Variants in FAM151A observed in about 807,000 individuals in gnomAD.
FAM151A encodes the protein family with sequence similarity 151 member A.
A neutral mutation model predicts 40.4 loss-of-function variants in FAM151A; 41 were observed. The ratio of observed to expected loss-of-function variants is 1.01; its 90% CI spans 0.79 to 1.32. The LOEUF (loss-of-function observed/expected upper bound fraction) is 1.32. Among genes scored for constraint, FAM151A ranks in the 40% most tolerant of loss-of-function variants. The pLI, the probability that FAM151A is intolerant of heterozygous loss-of-function variation, is 0.00. For missense variants in FAM151A, 740 were observed against 740.4 expected (o/e 1.00, Z 0.01); for synonymous variants, 337 against 312.5 (o/e 1.08, Z -0.83).
Position 54,610,301 on chromosome 1 carries a change from G to T in FAM151A, c.1084+111C>A, listed in dbSNP as rs1460495566. Reference sequence around the variant, plus strand: ...TGCCCCACCTTGCATCCAGGGTATGGTGTAAATAAACCTGTGTTGCCATGG... The same window carrying T: ...TGCCCCACCTTGCATCCAGGGTATGTTGTAAATAAACCTGTGTTGCCATGG... On this transcript the variant is annotated intron_variant, in intron 7 of 7. Coordinates refer to ENST00000302250, the MANE Select transcript of FAM151A (RefSeq NM_176782.3). 6 of 1,534,340 alleles carry T rather than the reference G, an allele frequency of 3.9e-6. No individual in the cohort carries two copies. The East Asian group carries it at 1.4e-4, about 35-fold the overall frequency.
intron 2 of FAM151A, among the ~76,000 whole-genome samples, chr1:54,618,534 C>A (rs948871714): frequency 1.3e-5 from 2 of 152,020 alleles, no homozygotes; most frequent in Admixed American, 1.3e-4. Context: ...AAACTCTTTT[C>A]ACCTTAAAAA....
At position 54,609,615 on chromosome 1, in the gene FAM151A, A is replaced by C; in HGVS notation, c.1411T>G (p.Phe471Val). The stretch of plus-strand genomic sequence containing the variant: ...CCTGGTGCCACAGTCACGTGGGGGA[A>C]GACCTCAGCCACAGCTGTAAGCAGC... ...RELLTAVAEV[F>V]PHVTVAPGWP... Residue 471 changes from phenylalanine (F) to valine (V), a missense_variant, in exon 8 of 8, where the codon TTC (phenylalanine) becomes GTC (valine). Physicochemically the swap from Phe to Val is conservative, Grantham distance 50. Coordinates refer to ENST00000302250, the MANE Select transcript of FAM151A (RefSeq NM_176782.3). The C allele has an allele frequency of 6.2e-7, 1 of 1,613,598 alleles. No homozygotes were observed. Among genetic ancestry groups the C allele is most frequent in the South Asian group, 1.1e-5 (1 of 91,084 alleles).
At position 54,623,302 on chromosome 1, in the gene FAM151A, G is replaced by A. The variant is rs1357910424; in HGVS notation, c.94C>T (p.Leu32Phe). Residue 32 changes from leucine to phenylalanine, a missense_variant, in exon 1 of 8, where the codon CTT (leucine) becomes TTT (phenylalanine). Physicochemically the swap from Leu to Phe is conservative, Grantham distance 22. Coordinates refer to ENST00000302250, the MANE Select transcript of FAM151A (RefSeq NM_176782.3). The part of the protein sequence containing the change: ...VSVVVIAAIV[L>F]AITLRRPGCE... ...CCTGGCCGCCGCAGGGTGATGGCAA[G>A]GACTATTGCGGCAATGACCACCACA... 6.2e-7 allele frequency: 1 copy of A among 1,613,894 alleles called. No individual in the cohort carries two copies. Among genetic ancestry groups the A allele is most frequent in the African/African-American group, 1.3e-5 (1 of 74,906 alleles).
Position 54,614,706 on chromosome 1 carries a change from G to A in FAM151A, c.569C>T (p.Ala190Val). 2 of 1,612,686 alleles carry A rather than the reference G, an allele frequency of 1.2e-6. No homozygotes were observed. The highest frequency in any genetic ancestry group is 8.5e-7 in the Non-Finnish European group (1 of 1,179,108). ...CAGAGAGGCGAACACTCACTGTGTGGCATTGACCTCAGTTGAGATGAGCAT... is the reference window on the plus strand; with the variant it reads ...CAGAGAGGCGAACACTCACTGTGTGACATTGACCTCAGTTGAGATGAGCAT... ...PNMLISTEVNATQFLALVQEK... is the reference protein window; with the variant it reads ...PNMLISTEVNVTQFLALVQEK... The change falls in exon 4 of 8, where the codon GCC becomes GTC. Residue 190 changes from alanine to valine, a missense_variant. Physicochemically the swap from Ala to Val is moderately conservative, Grantham distance 64. Transcript: ENST00000302250.
At chr1:54,615,568 G>A (rs1644164203) in intron 3 of FAM151A, among the ~76,000 whole-genome samples, 1 of 152,170 alleles carries the variant, frequency 6.6e-6, no homozygotes, top group Admixed American at 6.5e-5. Context: ...ACTAGATGGG[G>A]GCAGGGTTAG....
Position 54,623,306 on chromosome 1 carries a change from T to G in FAM151A, c.90A>C (p.Ile30=), listed in dbSNP as rs377638308. The change falls in exon 1 of 8, where the codon ATA becomes ATC. Residue 30 remains isoleucine, a synonymous_variant. Transcript: ENST00000302250. ...GCCGCCGCAGGGTGATGGCAAGGAC[T>G]ATTGCGGCAATGACCACCACAGACA... is the stretch of plus-strand genomic sequence containing the variant. ...TCVSVVVIAA[I]VLAITLRRPG... 17 of 1,614,062 alleles carry G rather than the reference T, an allele frequency of 1.1e-5. No homozygotes were observed. In the African/African-American group the frequency reaches 1.5e-4, roughly 14 times the overall value.
In FAM151A at chr1:54,609,768, C is replaced by T. The variant is rs1553165260; in HGVS notation, c.1258G>A (p.Ala420Thr). 2 of 1,614,188 alleles carry T rather than the reference C, an allele frequency of 1.2e-6. No homozygotes were observed. Among genetic ancestry groups the T allele is most frequent in the Admixed American group, 1.7e-5 (1 of 60,032 alleles). Reference sequence around the variant, plus strand: ...AGCAAGGCCAGGGATGGCCGGAGGGCTGCGGGCTCCGCTATTTGCAAATGG... The same window carrying T: ...AGCAAGGCCAGGGATGGCCGGAGGGTTGCGGGCTCCGCTATTTGCAAATGG... ...GIHLQIAEPA[A>T]LRPSLALLAR... The change falls in exon 8 of 8, where the codon GCC becomes ACC. Residue 420 changes from alanine to threonine, a missense_variant. Coordinates refer to ENST00000302250, the MANE Select transcript of FAM151A (RefSeq NM_176782.3).
rs144626946 is a variant in FAM151A at position 54,609,333 on chromosome 1, G to A, written c.1693C>T (p.Arg565Ter). ...CCCTGGGGTAGCCTGTAGTAGACTC[G>A]GGTCCTGTCCACAGCCCTAGCTGCC... ...LLAARAVDRTRVYYRLPQGYH... is the reference protein window; with the variant it reads ...LLAARAVDRT The change falls in exon 8 of 8, where the codon CGA becomes TGA. Residue 565 changes from arginine to a stop codon, truncating the protein, a stop_gained. Coordinates refer to ENST00000302250, the MANE Select transcript of FAM151A (RefSeq NM_176782.3). LOFTEE classifies it high-confidence loss of function. The A allele has an allele frequency of 5.9e-5, 96 of 1,613,970 alleles. No individual in the cohort carries two copies. In the African/African-American group the frequency reaches 8.3e-4, roughly 14 times the overall value.
At chr1:54,623,226 G>T in intron 1 of FAM151A, 52 bp downstream of exon 1, 4 of 1,197,388 alleles carry the variant, frequency 3.3e-6, no homozygotes, top group Non-Finnish European at 2.5e-6. Context: ...GTGGGGATAA[G>T]GAGCGAGCGA....
intron 3 of FAM151A, 75 bp downstream of exon 3, chr1:54,615,945 G>A: frequency 1.3e-6 from 2 of 1,502,072 alleles, no homozygotes; most frequent in Non-Finnish European, 1.8e-6. Flanking sequence ...TTGCTTCCCA[G>A]TGAGGGATCT....
At chr1:54,622,643 GCAGGAAAAC>G (rs1644241083) in intron 1 of FAM151A, among the ~76,000 whole-genome samples, 1 of 152,074 alleles carries the variant, frequency 6.6e-6, no homozygotes, top group Admixed American at 6.5e-5. Context: ...TGGGGCTGAG[GCAGGAAAAC>G]CACTTAGATC....
chr1:54,614,916 C>T, intron 3 of FAM151A, 57 bp from the exon 4 acceptor site: 2 of 1,567,158 alleles, frequency 1.3e-6, no homozygotes, highest in Non-Finnish European at 1.7e-6. Context: ...GAATACATGA[C>T]TCCCTGGGCA....
In FAM151A at chr1:54,616,061, A is replaced by C; in HGVS notation, c.374T>G (p.Leu125Arg). ...CAGCACAGCGTCCAGCCACTGCTCC[A>C]GTGTGTTGTCACTGTAGATAGTGGG... The part of the protein sequence containing the change: ...HPPTIYSDNT[L>R]EQWLDAVLGS... Residue 125 changes from leucine to arginine, a missense_variant, in exon 3 of 8, where the codon CTG becomes CGG. Transcript: ENST00000302250. 3 of 1,614,132 alleles carry C rather than the reference A, an allele frequency of 1.9e-6. No homozygotes were observed. The highest frequency in any genetic ancestry group is 2.5e-6 in the Non-Finnish European group (3 of 1,180,030).
At chr1:54,619,445 G>A (rs896401098) in intron 2 of FAM151A, among the ~76,000 whole-genome samples, 4 of 152,166 alleles carry the variant, frequency 2.6e-5, no homozygotes, top group Non-Finnish European at 5.9e-5. Context: ...TGTTACCCAT[G>A]AAACAGATTG....
At chr1:54,612,759 T>G (rs1644133085) in intron 4 of FAM151A, 49 bp from the exon 5 acceptor site, 1 of 1,422,916 alleles carries the variant, frequency 7.0e-7, no homozygotes, top group African/African-American at 1.4e-5. Context: ...AGCGGCCCCT[T>G]CCTCTCCTCT....
At chr1:54,610,884 C>T in intron 6 of FAM151A, 3 of 985,374 alleles carry the variant, frequency 3.0e-6, no homozygotes, top group Non-Finnish European at 3.6e-6. Context: ...TTAACTGCGG[C>T]TCTTCTGGGT....
At chr1:54,610,034 G>A in intron 7 of FAM151A, 93 bp from the exon 8 acceptor site, 1 of 1,473,602 alleles carries the variant, frequency 6.8e-7, no homozygotes, top group Non-Finnish European at 9.0e-7. Flanking sequence ...GAGTTATGGG[G>A]TCATCAAGGA....
At chr1:54,616,295 A>G (rs1644172636) in intron 2 of FAM151A, 123 bp from the exon 3 acceptor site, 1 of 801,474 alleles carries the variant, frequency 1.2e-6, no homozygotes, top group South Asian at 1.8e-5. Context: ...AGAGGAAAAT[A>G]TTCACCCACA....
chr1:54,610,291 C>T (rs1157294237), intron 7 of FAM151A, 121 bp downstream of exon 7: 1 of 1,515,948 alleles, frequency 6.6e-7, no homozygotes, highest in Non-Finnish European at 8.8e-7. Flanking sequence ...CACCTTGCAT[C>T]CAGGGTATGG....
Sources: gnomAD v4.1 joint callset for allele counts (sites outside exome capture counted in the v4.1 genomes callset) on GRCh38, gnomAD v4.1.1 for gene constraint, MANE v1.5 for transcripts, NCBI Gene and HGNC (gene_info 2026-07-23, HGNC 2026-07-21) for gene names.